The following DPP10 variants were observed in gnomAD, a reference collection of about 807,000 sequenced individuals.
DPP10 encodes the protein dipeptidyl peptidase like 10.
In DPP10, 33 loss-of-function variants were observed where a neutral mutation model predicts 120.9. The ratio of observed to expected loss-of-function variants is 0.27; its 90% CI spans 0.21 to 0.37. The LOEUF is 0.37. Among genes scored for constraint, DPP10 ranks in the 10% least tolerant of loss-of-function variants. The pLI is 1.00. For missense variants in DPP10, 816 were observed against 942.8 expected, an observed-to-expected ratio of 0.87 and a Z score of 1.76; for synonymous variants, 337 against 326.1, an observed-to-expected ratio of 1.03 and a Z score of -0.36.
intron 3 of DPP10, among the ~76,000 whole-genome samples, chr2:115,457,238 C>G (rs2073634576): frequency 6.6e-6 from 1 of 151,758 alleles, no homozygotes; most frequent in Admixed American, 6.6e-5. Context: ...AATTTAGACC[C>G]TGATACCACA....
chr2:114,497,571 T>TAA (rs1682788938), intron 1 of DPP10, among the ~76,000 whole-genome samples: 1 of 152,066 alleles, frequency 6.6e-6, no homozygotes, highest in Non-Finnish European at 1.5e-5. Flanking sequence ...TATGGGTCTA[T>TAA]AATTTTATTA....
chr2:114,601,262 C>T (rs1426757385), intron 1 of DPP10, among the ~76,000 whole-genome samples: 1 of 151,812 alleles, frequency 6.6e-6, no homozygotes, highest in Non-Finnish European at 1.5e-5. Context: ...GTTAATTTTA[C>T]AATTGTGTAG....
chr2:114,978,172 G>A (rs756984060), intron 1 of DPP10, among the ~76,000 whole-genome samples: 57 of 152,246 alleles, frequency 3.7e-4, no homozygotes, highest in Non-Finnish European at 6.5e-4. Context: ...AAGTTTCTAC[G>A]ATGACGGAAA....
chr2:114,577,350 C>A (rs749532034), intron 1 of DPP10, among the ~76,000 whole-genome samples: 6 of 152,128 alleles, frequency 3.9e-5, no homozygotes, highest in Non-Finnish European at 8.8e-5. Context: ...TGCGAGTTCC[C>A]TTGGCCAACA....
intron 1 of DPP10, among the ~76,000 whole-genome samples, chr2:115,185,626 A>T (rs1055577873): frequency 1.3e-5 from 2 of 152,162 alleles, no homozygotes; most frequent in African/African-American, 4.8e-5. Context: ...TCTGAGGAAA[A>T]TTGCATTAAG....
intron 3 of DPP10, among the ~76,000 whole-genome samples, chr2:115,458,718 C>T (rs1022093423): frequency 6.6e-6 from 1 of 151,962 alleles, no homozygotes; most frequent in Non-Finnish European, 1.5e-5. Context: ...GTAAAATAAA[C>T]TCTGATATAG....
intron 1 of DPP10, among the ~76,000 whole-genome samples, chr2:115,060,294 T>G (rs1313396324): frequency 4.0e-5 from 6 of 151,684 alleles, no homozygotes; most frequent in African/African-American, 1.5e-4. Flanking sequence ...ATAGGTAGAT[T>G]TATCGATAGG....
intron 5 of DPP10, among the ~76,000 whole-genome samples, chr2:115,617,267 ATT>A (rs892449644): frequency 1.4e-3 from 7 of 5,064 alleles, no homozygotes; most frequent in South Asian, 0.062. Context: ...GTATATATAT[ATT>A]TTTTATATAT....
chr2:114,499,752 A>G (rs565592379), intron 1 of DPP10, among the ~76,000 whole-genome samples: 21 of 152,328 alleles, frequency 1.4e-4, no homozygotes, highest in Admixed American at 2.6e-4. Flanking sequence ...ACTTCTGAAA[A>G]AGTAGTGAGA....
At chr2:114,602,036 G>A (rs1383428631) in intron 1 of DPP10, among the ~76,000 whole-genome samples, 2 of 151,810 alleles carry the variant, frequency 1.3e-5, no homozygotes, top group Non-Finnish European at 2.9e-5. Context: ...TTATTTTTAA[G>A]GATAGTTTCT....
intron 1 of DPP10, among the ~76,000 whole-genome samples, chr2:114,836,527 G>A (rs113400816): frequency 1.2e-3 from 180 of 152,280 alleles, no homozygotes; most frequent in African/African-American, 4.2e-3. Context: ...AAGAGATCAC[G>A]TGGTTCACAA....
chr2:115,726,946 GGACA>G (rs943101900), intron 7 of DPP10, among the ~76,000 whole-genome samples: 27 of 107,688 alleles, frequency 2.5e-4, no homozygotes, highest in African/African-American at 1.0e-3. Flanking sequence ...GGCTTGCCCT[GGACA>G]ATGTTGTGCT....
intron 1 of DPP10, among the ~76,000 whole-genome samples, chr2:114,548,056 G>A (rs1687566674): frequency 6.6e-6 from 1 of 152,176 alleles, no homozygotes; most frequent in Non-Finnish European, 1.5e-5. Context: ...AGTGGGGTGA[G>A]GAGGTTGGCT....
At chr2:115,067,212 T>A (rs1706924974) in intron 1 of DPP10, among the ~76,000 whole-genome samples, 1 of 152,084 alleles carries the variant, frequency 6.6e-6, no homozygotes, top group African/African-American at 2.4e-5. Context: ...TGGTCATCCA[T>A]GTTGTTGCAA....
At chr2:115,432,791 G>A (rs945412583) in intron 3 of DPP10, among the ~76,000 whole-genome samples, 3 of 151,644 alleles carry the variant, frequency 2.0e-5, no homozygotes, top group Non-Finnish European at 4.4e-5. Flanking sequence ...ATATGGGAGA[G>A]CTACTGCATT....
At chr2:115,735,163 A>T (rs1211303569) in intron 8 of DPP10, among the ~76,000 whole-genome samples, 1 of 152,206 alleles carries the variant, frequency 6.6e-6, no homozygotes, top group Non-Finnish European at 1.5e-5. Context: ...CCCAAGAAAA[A>T]GTCAAAGAAC....
chr2:114,789,220 C>A (rs1009242360), intron 1 of DPP10, among the ~76,000 whole-genome samples: 1 of 152,106 alleles, frequency 6.6e-6, no homozygotes, highest in African/African-American at 2.4e-5. Flanking sequence ...TATACAAAAG[C>A]AAAAACTTAA....
intron 1 of DPP10, among the ~76,000 whole-genome samples, chr2:114,583,675 A>C (rs1342424477): frequency 6.6e-6 from 1 of 152,218 alleles, no homozygotes; most frequent in South Asian, 2.1e-4. Context: ...GATAATATTT[A>C]AGGTGAATTT....
chr2:114,459,995 A>G (rs539598286), intron 1 of DPP10, among the ~76,000 whole-genome samples: 2 of 152,306 alleles, frequency 1.3e-5, no homozygotes, highest in Non-Finnish European at 1.5e-5. Context: ...ATTACCTGAA[A>G]TCTTCTTACA....
Sources: gnomAD v4.1 joint callset for allele counts (sites outside exome capture counted in the v4.1 genomes callset) on GRCh38, gnomAD v4.1.1 for gene constraint, MANE v1.5 for transcripts, NCBI Gene and HGNC (gene_info 2026-07-23, HGNC 2026-07-21) for gene names.